BCL2L13: variants seen among roughly 807,000 people sequenced by gnomAD.
The protein encoded by BCL2L13 is BCL2 like 13.
In BCL2L13, 13 loss-of-function variants were observed where a neutral mutation model predicts 25.8. The ratio of observed to expected loss-of-function variants is 0.50; its 90% CI spans 0.33 to 0.80. The LOEUF (loss-of-function observed/expected upper bound fraction) is 0.80. Ranked by LOEUF, BCL2L13 falls within the 30% of genes least tolerant of loss-of-function variation. The pLI is 0.02. For synonymous variants in BCL2L13, 244 were observed against 230.3 expected (o/e 1.06, Z -0.54); for missense variants, 504 against 574.9 (o/e 0.88, Z 1.26).
intron 6 of BCL2L13, chr22:17,703,702 C>G (rs1568994157): frequency 6.6e-6 from 1 of 152,152 alleles, no homozygotes; most frequent in Non-Finnish European, 1.5e-5. Flanking sequence ...TAAATGCTTA[C>G]TGAATAAAAT....
At chr22:17,662,324 A>G (rs138178314) in intron 2 of BCL2L13, among the ~76,000 whole-genome samples, 2,177 of 152,164 alleles carry the variant, frequency 0.014, 19 homozygotes, top group Non-Finnish European at 0.023. Flanking sequence ...TGAAAAAAAC[A>G]AAAATTAGCC....
At chr22:17,697,709 A>G (rs1416378910) in intron 5 of BCL2L13, among the ~76,000 whole-genome samples, 1 of 152,198 alleles carries the variant, frequency 6.6e-6, no homozygotes, top group African/African-American at 2.4e-5. Flanking sequence ...CACTATTAAC[A>G]GAGTATTAGT....
Position 17,727,231 on chromosome 22 carries a change from G to A in BCL2L13, c.1155G>A (p.Val385=), listed in dbSNP as rs1441109455. Reference sequence around the variant, plus strand: ...TTGTAGAACTTGATGAAGAAGAGGTGAAAGCAGCAACAACTGAACCTACTG... The same window carrying A: ...TTGTAGAACTTGATGAAGAAGAGGTAAAAGCAGCAACAACTGAACCTACTG... ...SLFVELDEEE[V]KAATTEPTEV... Residue 385 remains valine (V), a synonymous_variant, in exon 7 of 7, where the codon GTG becomes GTA. Coordinates refer to ENST00000317582, the MANE Select transcript of BCL2L13 (RefSeq NM_015367.4). 3 of 1,614,248 alleles carry A rather than the reference G, an allele frequency of 1.9e-6. No individual in the cohort carries two copies. The highest frequency in any genetic ancestry group is 2.5e-6 in the Non-Finnish European group (3 of 1,180,052).
chr22:17,701,295 C>T (rs1478826274), intron 5 of BCL2L13, among the ~76,000 whole-genome samples: 1 of 151,834 alleles, frequency 6.6e-6, no homozygotes, highest in African/African-American at 2.4e-5. Context: ...GTACAAAATG[C>T]AAAAAAGTAC....
intron 1 of BCL2L13, among the ~76,000 whole-genome samples, chr22:17,632,858 A>G (rs575472961): frequency 6.7e-4 from 101 of 151,382 alleles, no homozygotes; most frequent in Middle Eastern, 3.4e-3. Context: ...GGTTCAAGCA[A>G]TTCTCCTGCC....
Position 17,663,683 on chromosome 22 carries a change from C to CTTTTTTTTT in BCL2L13, c.121+7861_121+7869dup, listed in dbSNP as rs61709181. Reference sequence around the variant, plus strand: ...TTTATTATTATCTTTTACATTTTTCCTTTTTTTTTTTTTTTTTTGAGATGG... The same window carrying CTTTTTTTTT: ...TTTATTATTATCTTTTACATTTTTCCTTTTTTTTTTTTTTTTTTTTTTTTTTTGAGATGG... On this transcript the variant is annotated intron_variant, in intron 2 of 6. Transcript: ENST00000317582. Among the ~76,000 whole-genome samples, 6 of 107,468 alleles carry CTTTTTTTTT rather than the reference C, an allele frequency of 5.6e-5. 1 individual carries two copies. The highest frequency in any genetic ancestry group is 7.0e-5 in the Non-Finnish European group (4 of 56,840). The allele number at this position is 107,468 out of a possible 152,430, so 70.5% of individuals were successfully genotyped here.
intron 1 of BCL2L13, among the ~76,000 whole-genome samples, chr22:17,648,316 A>T (rs181843330): frequency 2.0e-5 from 3 of 152,210 alleles, no homozygotes; most frequent in Non-Finnish European, 4.4e-5. Flanking sequence ...TAGTTACATA[A>T]TAGTGTTCTT....
intron 1 of BCL2L13, among the ~76,000 whole-genome samples, chr22:17,641,453 G>A (rs920399571): frequency 3.3e-5 from 5 of 152,070 alleles, no homozygotes; most frequent in Non-Finnish European, 5.9e-5. Context: ...CATGATTTGA[G>A]GGAGGCACAT....
chr22:17,714,035 T>C (rs1008113287), intron 6 of BCL2L13, among the ~76,000 whole-genome samples: 4 of 151,624 alleles, frequency 2.6e-5, no homozygotes, highest in Admixed American at 2.6e-4. Context: ...GGCTCACACC[T>C]GTAATCCCAG....
intron 6 of BCL2L13, among the ~76,000 whole-genome samples, chr22:17,720,905 G>A (rs947049296): frequency 6.6e-5 from 10 of 151,972 alleles, no homozygotes; most frequent in Non-Finnish European, 1.2e-4. Flanking sequence ...GGTGGCTCAC[G>A]CCTGTATTCC....
chr22:17,629,818 T>TACAC (rs3044578), intron 1 of BCL2L13, among the ~76,000 whole-genome samples: 6,079 of 148,130 alleles, frequency 0.041, 173 homozygotes, highest in African/African-American at 0.083. Flanking sequence ...TTTATTTTCA[T>TACAC]ACACACACAC....
At chr22:17,711,344 C>T (rs866533086) in intron 6 of BCL2L13, among the ~76,000 whole-genome samples, 22 of 138,278 alleles carry the variant, frequency 1.6e-4, no homozygotes, top group Admixed American at 5.2e-4. Context: ...GTTGGCCAGG[C>T]TGGAGCGCAG....
At chr22:17,714,263 A>G (rs944236790) in intron 6 of BCL2L13, among the ~76,000 whole-genome samples, 24 of 151,996 alleles carry the variant, frequency 1.6e-4, no homozygotes, top group African/African-American at 5.5e-4. Flanking sequence ...ACTGCACTCC[A>G]GCCTGGGCAA....
intron 1 of BCL2L13, among the ~76,000 whole-genome samples, chr22:17,650,203 A>T (rs1391560581): frequency 6.6e-6 from 1 of 152,070 alleles, no homozygotes; most frequent in African/African-American, 2.4e-5. Context: ...TTGACATGTT[A>T]CTACGTTTGA....
intron 2 of BCL2L13, among the ~76,000 whole-genome samples, chr22:17,669,308 A>G (rs978039679): frequency 6.6e-6 from 1 of 152,142 alleles, no homozygotes; most frequent in Non-Finnish European, 1.5e-5. Context: ...CTGGGATTAC[A>G]GGCGTGAGCC....
chr22:17,713,803 ATAT>A (rs796069106), intron 6 of BCL2L13, among the ~76,000 whole-genome samples: 1 of 151,954 alleles, frequency 6.6e-6, no homozygotes, highest in South Asian at 2.1e-4. Flanking sequence ...TAAAGTCAAA[ATAT>A]TATAAGTGGA....
At chr22:17,689,729 G>A (rs1347656059) in intron 4 of BCL2L13, among the ~76,000 whole-genome samples, 3 of 151,690 alleles carry the variant, frequency 2.0e-5, no homozygotes, top group Non-Finnish European at 4.4e-5. Context: ...TCTAGTCCCA[G>A]CTACTCGAGA....
At chr22:17,663,409 C>T (rs565409546) in intron 2 of BCL2L13, among the ~76,000 whole-genome samples, 3 of 152,090 alleles carry the variant, frequency 2.0e-5, no homozygotes. Context: ...AGGTGGCTAT[C>T]TAAACAAAAT....
chr22:17,655,319 TAAGC>T (rs1201155284), intron 1 of BCL2L13, among the ~76,000 whole-genome samples: 2 of 150,198 alleles, frequency 1.3e-5, no homozygotes, highest in Non-Finnish European at 3.0e-5. Context: ...TTTTTTTAAA[TAAGC>T]AGGAGTATAC....
Sources: gnomAD v4.1 joint callset for allele counts (sites outside exome capture counted in the v4.1 genomes callset) on GRCh38, gnomAD v4.1.1 for gene constraint, MANE v1.5 for transcripts, NCBI Gene and HGNC (gene_info 2026-07-23, HGNC 2026-07-21) for gene names.